PRKG2: variants seen among roughly 807,000 people sequenced by gnomAD.
The protein encoded by PRKG2 is cGMP-dependent protein kinase 2.
Under a neutral mutation model 97.2 loss-of-function variants are expected in PRKG2, and 33 were observed. The observed-to-expected ratio is 0.34, with a 90% confidence interval of 0.26 to 0.45. The LOEUF (loss-of-function observed/expected upper bound fraction) is 0.45, where lower values mean the gene tolerates loss of function less well. PRKG2 is among the 20% of genes least tolerant of loss of function. The probability of loss-of-function intolerance (pLI) is 1.00; values close to 1 mark genes in which losing one functional copy is unlikely to be tolerated. For missense variants in PRKG2, 638 were observed against 900.0 expected (o/e 0.71, Z 3.73); for synonymous variants, 330 against 321.8 (o/e 1.03, Z -0.27).
chr4:81,121,776 T>A (rs778083814), intron 14 of PRKG2, among the ~76,000 whole-genome samples: 9 of 152,196 alleles, frequency 5.9e-5, no homozygotes, highest in Non-Finnish European at 7.3e-5. Context: ...TTTATTGATC[T>A]TTTCAAATAA....
chr4:81,096,351 C>T (rs1376183307), intron 17 of PRKG2, among the ~76,000 whole-genome samples: 1 of 151,818 alleles, frequency 6.6e-6, no homozygotes, highest in Non-Finnish European at 1.5e-5. Context: ...GGTAACATGG[C>T]AAGACACCCA....
At chr4:81,116,214 C>G (rs1174355295) in intron 14 of PRKG2, among the ~76,000 whole-genome samples, 1 of 152,036 alleles carries the variant, frequency 6.6e-6, no homozygotes, top group Non-Finnish European at 1.5e-5. Flanking sequence ...GGTCCTGGTG[C>G]CTATTATTCC....
chr4:81,162,066 T>C (rs1373383557), intron 6 of PRKG2, among the ~76,000 whole-genome samples: 2 of 152,158 alleles, frequency 1.3e-5, no homozygotes, highest in South Asian at 2.1e-4. Context: ...AGGAGGATGA[T>C]AATGATTTGC....
chr4:81,090,101 T>C (rs1741395942), intron 18 of PRKG2, among the ~76,000 whole-genome samples: 1 of 152,198 alleles, frequency 6.6e-6, no homozygotes, highest in Non-Finnish European at 1.5e-5. Flanking sequence ...CTCACGCCTG[T>C]AATCCCAGCA....
chr4:81,126,646 CAT>C (rs1167897836), intron 14 of PRKG2, among the ~76,000 whole-genome samples: 5 of 152,296 alleles, frequency 3.3e-5, no homozygotes, highest in East Asian at 3.9e-4. Context: ...AGCTTTCTTT[CAT>C]ATGTTTTTTG....
chr4:81,137,072 C>G (rs1309752769), intron 13 of PRKG2, among the ~76,000 whole-genome samples: 1 of 151,468 alleles, frequency 6.6e-6, no homozygotes, highest in Middle Eastern at 3.2e-3. Flanking sequence ...GTTTATCACA[C>G]TGCTTCTGCT....
chr4:81,151,137 G>A (rs1474774013), intron 8 of PRKG2, among the ~76,000 whole-genome samples: 3 of 152,022 alleles, frequency 2.0e-5, no homozygotes, highest in Non-Finnish European at 4.4e-5. Flanking sequence ...AGGTTAAGAA[G>A]ATAAATGAAC....
chr4:81,182,336 A>G (rs1751490193), intron 2 of PRKG2, among the ~76,000 whole-genome samples: 1 of 151,992 alleles, frequency 6.6e-6, no homozygotes. Flanking sequence ...GGTAAAATTA[A>G]ACACCTGTAA....
Position 81,174,951 on chromosome 4 carries a change from T to G in PRKG2, c.470A>C (p.Lys157Thr), listed in dbSNP as rs1444179826. The G allele has an allele frequency of 1.9e-6, 3 of 1,605,052 alleles. No homozygotes were observed. The highest frequency in any genetic ancestry group is 2.6e-6 in the Non-Finnish European group (3 of 1,175,076). The change falls in exon 3 of 19, where the codon AAG becomes ACG. Residue 157 changes from lysine (K) to threonine (T), a missense_variant. Physicochemically the swap from Lys to Thr is moderately conservative, Grantham distance 78. Coordinates refer to ENST00000264399, the MANE Select transcript of PRKG2 (RefSeq NM_006259.3). ...ARVRKDSSEK[K>T]LITDALNKNQ... ...TTTATTAAGGGCATCTGTAATGAGC[T>G]TCTTCTCACTGGTATAATGGAAAAG...
chr4:81,152,387 G>T (rs1319576498), intron 7 of PRKG2, among the ~76,000 whole-genome samples: 1 of 152,236 alleles, frequency 6.6e-6, no homozygotes, highest in South Asian at 2.1e-4. Flanking sequence ...GGTCTTGTGG[G>T]AACTTTTTCT....
rs79911695 is a variant in PRKG2 at position 81,177,962 on chromosome 4, T to C, written c.462-3003A>G. Reference sequence around the variant, plus strand: ...CAGCTACTGAACACAGTCTTGGCTATCTCAAAGACAAAAGTTCAGGTTTAA... The same window carrying C: ...CAGCTACTGAACACAGTCTTGGCTACCTCAAAGACAAAAGTTCAGGTTTAA... On this transcript the variant is annotated intron_variant, in intron 2 of 18. Coordinates refer to ENST00000264399, the MANE Select transcript of PRKG2 (RefSeq NM_006259.3). Among the ~76,000 whole-genome samples the C allele has an allele frequency of 2.7e-3, 414 of 151,630 alleles. 1 individual carries two copies. The highest frequency in any genetic ancestry group is 4.2e-3 in the Non-Finnish European group (285 of 67,794).
At chr4:81,197,003 T>C (rs1015853467) in intron 2 of PRKG2, among the ~76,000 whole-genome samples, 6 of 152,206 alleles carry the variant, frequency 3.9e-5, no homozygotes, top group African/African-American at 1.4e-4. Context: ...TCTGTTCCCC[T>C]TCTTGAGAAT....
intron 2 of PRKG2, among the ~76,000 whole-genome samples, chr4:81,203,773 T>C (rs187172474): frequency 6.6e-6 from 1 of 152,172 alleles, no homozygotes; most frequent in Non-Finnish European, 1.5e-5. Flanking sequence ...CAAGTATTTA[T>C]ATGTTCTTTT....
intron 8 of PRKG2, among the ~76,000 whole-genome samples, chr4:81,150,076 A>G (rs1347528314): frequency 6.6e-6 from 1 of 152,164 alleles, no homozygotes; most frequent in Non-Finnish European, 1.5e-5. Context: ...TTGTATATGT[A>G]GAGGTAGAGA....
chr4:81,201,759 C>T (rs1753329414), intron 2 of PRKG2, among the ~76,000 whole-genome samples: 1 of 152,116 alleles, frequency 6.6e-6, no homozygotes, highest in East Asian at 1.9e-4. Context: ...TTCATATCTC[C>T]CTAATATTGT....
intron 12 of PRKG2, among the ~76,000 whole-genome samples, chr4:81,138,927 A>G (rs186721895): frequency 5.9e-5 from 9 of 152,286 alleles, no homozygotes; most frequent in African/African-American, 2.2e-4. Flanking sequence ...CTTGGGGAAA[A>G]AAGTGGGTCT....
At chr4:81,116,933 A>C (rs1744589349) in intron 14 of PRKG2, among the ~76,000 whole-genome samples, 1 of 144,642 alleles carries the variant, frequency 6.9e-6, no homozygotes, top group Non-Finnish European at 1.5e-5. Context: ...TCAGATGCCT[A>C]GTTTGCAAAA....
intron 17 of PRKG2, among the ~76,000 whole-genome samples, chr4:81,093,950 C>T (rs563093212): frequency 2.6e-4 from 40 of 152,222 alleles, no homozygotes; most frequent in Admixed American, 6.5e-4. Flanking sequence ...GCCAGCCAAC[C>T]GATATTTATG....
At chr4:81,124,594 G>A (rs898890631) in intron 14 of PRKG2, among the ~76,000 whole-genome samples, 8 of 152,210 alleles carry the variant, frequency 5.3e-5, no homozygotes, top group Middle Eastern at 3.4e-3. Context: ...CCAGGAAGAG[G>A]CCCACCTGGA....
Sources: allele counts gnomAD v4.1 joint callset (sites outside exome capture counted in the v4.1 genomes callset), GRCh38; gene constraint gnomAD v4.1.1; transcripts MANE v1.5; gene names NCBI Gene and HGNC (gene_info 2026-07-23, HGNC 2026-07-21).